Variants in FAHD2B observed in about 807,000 individuals in gnomAD.
FAHD2B encodes oxaloacetate tautomerase FAHD2B, mitochondrial.
FAHD2B carries 26 observed loss-of-function variants against 33.7 expected under a neutral mutation model. The observed-to-expected ratio is 0.77, with a 90% confidence interval of 0.57 to 1.07. The LOEUF is 1.07. Ranked by LOEUF, FAHD2B falls within the 50% of genes least tolerant of loss-of-function variation. FAHD2B has a pLI of 0.00. For synonymous variants in FAHD2B, 108 were observed against 150.9 expected (o/e 0.72, Z 2.08); for missense variants, 272 against 388.1 (o/e 0.70, Z 2.51).
chr2:97,093,724 C>T (rs1295610791), intron 1 of FAHD2B, among the ~76,000 whole-genome samples: 1 of 152,084 alleles, frequency 6.6e-6, no homozygotes, highest in Admixed American at 6.6e-5. Context: ...CCGCCCACCT[C>T]GGCCTCCCAA....
chr2:97,090,270 G>C lies in FAHD2B; in HGVS notation c.301C>G (p.Pro101Ala). Residue 101 changes from proline to alanine, a missense_variant, in exon 4 of 9, where the codon CCA (proline) becomes GCA (alanine). Pro to Ala is a conservative substitution (Grantham distance 27, BLOSUM62 -1). Transcript: ENST00000414820. ...LPWSEVTFLA[P>A]VTWPDKVVCV... Reference sequence around the variant, plus strand: ...ACCACCTTATCTGGCCATGTGACTGGAGCCAGGAAGGTTACCTCCGACCAT... The same window carrying C: ...ACCACCTTATCTGGCCATGTGACTGCAGCCAGGAAGGTTACCTCCGACCAT... 1.2e-6 allele frequency: 2 copies of C among 1,613,328 alleles called. No homozygotes were observed. Among genetic ancestry groups the C allele is most frequent in the Middle Eastern group, 1.7e-4 (1 of 6,048 alleles).
At chr2:97,092,980 A>G (rs2032442532) in intron 1 of FAHD2B, among the ~76,000 whole-genome samples, 1 of 151,568 alleles carries the variant, frequency 6.6e-6, no homozygotes, top group South Asian at 2.1e-4. Context: ...AAAAAAAAAA[A>G]AAAAAAAAGA....
At chr2:97,088,566 C>A in intron 4 of FAHD2B, among the ~76,000 whole-genome samples, 1 of 152,116 alleles carries the variant, frequency 6.6e-6, no homozygotes. Context: ...CCAATTAAAC[C>A]TTTTTCTTTT....
At chr2:97,091,737 G>A (rs1237639841) in intron 2 of FAHD2B, 25 bp from the exon 3 acceptor site, 1 of 1,591,318 alleles carries the variant, frequency 6.3e-7, no homozygotes, top group Non-Finnish European at 8.6e-7. Context: ...ACAGGATCCA[G>A]GAGATGGAGG....
downstream of FAHD2B, among the ~76,000 whole-genome samples, chr2:97,080,126 T>G (rs1387197479): frequency 6.6e-6 from 1 of 152,190 alleles, no homozygotes; most frequent in Non-Finnish European, 1.5e-5. Flanking sequence ...TTGGCTTTTG[T>G]TGCGATTGCT....
chr2:97,090,072 G>C lies in FAHD2B; in HGVS notation c.462+37C>G, dbSNP rs1246035523. On this transcript the variant is annotated intron_variant, in intron 4 of 8. Transcript: ENST00000414820. ...TGAGCTCAGAATGCCCTTGTGATGGGCCCAGTGACTAGGGAGGGCAGTGGG... is the reference window on the plus strand; with the variant it reads ...TGAGCTCAGAATGCCCTTGTGATGGCCCCAGTGACTAGGGAGGGCAGTGGG... The C allele has an allele frequency of 2.8e-6, 4 of 1,443,804 alleles. No homozygotes were observed. The African/African-American group carries it at 4.2e-5, about 15-fold the overall frequency. 89.4% of individuals were successfully genotyped at this position (1,443,804 alleles called of 1,614,324 possible). A position where few individuals can be genotyped will look rare whatever the true frequency, so the allele number is the denominator to read the frequency against.
chr2:97,093,795 G>GGAA (rs1279893586), intron 1 of FAHD2B, among the ~76,000 whole-genome samples: 6 of 152,146 alleles, frequency 3.9e-5, no homozygotes, highest in Admixed American at 1.3e-4. Context: ...TGACGCTTGT[G>GGAA]GAAGGTAGGT....
In FAHD2B at chr2:97,085,834, C is replaced by T. The variant is rs374002655; in HGVS notation, c.550G>A (p.Gly184Ser). 49 of 1,613,730 alleles carry T rather than the reference C, an allele frequency of 3.0e-5. No homozygotes were observed. The highest frequency in any genetic ancestry group is 1.3e-4 in the African/African-American group (10 of 74,936). The change falls in exon 6 of 9, where the codon GGC (glycine) becomes AGC (serine). Residue 184 changes from glycine (G) to serine (S), a missense_variant. Gly to Ser is a moderately conservative substitution (Grantham distance 56). Transcript: ENST00000414820. Reference protein sequence around the residue: ...KATDAMAHVAGFTVAHDVSAR... With the variant: ...KATDAMAHVASFTVAHDVSAR... ...CTCACGTCATGAGCCACAGTGAAGC[C>T]GGCCACGTGGGCCATGGCATCTGTG...
At chr2:97,084,928 G>T (rs867307023) in intron 6 of FAHD2B, among the ~76,000 whole-genome samples, 2 of 145,700 alleles carry the variant, frequency 1.4e-5, no homozygotes, top group African/African-American at 2.6e-5. Flanking sequence ...AAAAAAAAAA[G>T]ACTCAGAATC....
chr2:97,090,449 A>G (rs2032270299), intron 3 of FAHD2B, 124 bp from the exon 4 acceptor site: 1 of 1,461,294 alleles, frequency 6.8e-7, no homozygotes, highest in Non-Finnish European at 9.1e-7. Flanking sequence ...AGCTCTATCA[A>G]CCATCAGAGT....
At chr2:97,089,890 G>A (rs2032228992) in intron 4 of FAHD2B, 5 of 613,588 alleles carry the variant, frequency 8.1e-6, no homozygotes, top group African/African-American at 7.4e-5. Flanking sequence ...GTTTATCTCT[G>A]TTTTATCTAC....
intron 4 of FAHD2B, among the ~76,000 whole-genome samples, chr2:97,087,548 A>T (rs2032071094): frequency 1.3e-5 from 2 of 151,928 alleles, no homozygotes; most frequent in Admixed American, 1.3e-4. Context: ...AAATACAAAA[A>T]ATTAGCCAGG....
In FAHD2B at chr2:97,083,815, C is replaced by T. The variant is rs2031766416; in HGVS notation, c.885G>A (p.Lys295=). The T allele has an allele frequency of 3.7e-6, 6 of 1,614,024 alleles. No homozygotes were observed. In the South Asian group the frequency reaches 4.4e-5, roughly 12 times the overall value. Residue 295 remains lysine (K), a splice_region_variant and synonymous_variant, in exon 9 of 9, where the codon AAG becomes AAA. Transcript: ENST00000414820. ...CAATCTCACACTGGACTTCATCCCC[C>T]TTCTGCAACAGAGCAGGCCATGACG... ...VFRKPPVFLK[K]GDEVQCEIEE...
downstream of FAHD2B, chr2:97,081,444 C>T: frequency 6.4e-7 from 1 of 1,566,460 alleles, no homozygotes; most frequent in Non-Finnish European, 8.6e-7. Context: ...CCAGCCCTGC[C>T]AGTCTTCCTA....
At chr2:97,085,561 A>G in intron 6 of FAHD2B, 138 bp downstream of exon 6, 4 of 1,380,870 alleles carry the variant, frequency 2.9e-6, no homozygotes, top group Non-Finnish European at 3.9e-6. Flanking sequence ...AGGATAAAAG[A>G]CTTTCCCTGT....
intron 6 of FAHD2B, 65 bp downstream of exon 6, chr2:97,085,634 T>G: frequency 6.3e-7 from 1 of 1,594,816 alleles, no homozygotes; most frequent in Non-Finnish European, 8.6e-7. Context: ...GAACCCATGC[T>G]CCTCCCTGGA....
intron 4 of FAHD2B, among the ~76,000 whole-genome samples, chr2:97,089,543 A>C (rs1297027313): frequency 6.7e-6 from 1 of 150,174 alleles, no homozygotes; most frequent in African/African-American, 2.4e-5. Flanking sequence ...AAAAGGAAAT[A>C]ATAATATATT....
At chr2:97,082,324 C>T, downstream of FAHD2B, 1 of 1,597,728 alleles carries the variant, frequency 6.3e-7, no homozygotes, top group Non-Finnish European at 8.5e-7. Context: ...CTGGTGAGGC[C>T]CTTGTTCCCT....
At chr2:97,082,310 G>A (rs1218280328), downstream of FAHD2B, 16 of 1,589,734 alleles carry the variant, frequency 1.0e-5, no homozygotes, top group East Asian at 1.4e-4. Context: ...CCAGCTGCCC[G>A]ATACTGGTGA....
Sources: allele counts gnomAD v4.1 joint callset (sites outside exome capture counted in the v4.1 genomes callset), GRCh38; gene constraint gnomAD v4.1.1; transcripts MANE v1.5; gene names NCBI Gene and HGNC (gene_info 2026-07-23, HGNC 2026-07-21).